Variants in PLVAP observed in about 807,000 individuals in gnomAD.
PLVAP encodes the protein plasmalemma vesicle associated protein, also known as plasmalemma vesicle-associated protein.
PLVAP carries 34 observed loss-of-function variants against 43.1 expected under a neutral mutation model. The observed-to-expected ratio is 0.79, with a 90% CI of 0.60 to 1.05. The LOEUF is 1.05. Among genes scored for constraint, PLVAP ranks in the 50% least tolerant of loss-of-function variants. The pLI, the probability that PLVAP is intolerant of heterozygous loss-of-function variation, is 0.00. For missense variants in PLVAP, 574 were observed against 593.4 expected (o/e 0.97, Z 0.34); for synonymous variants, 241 against 237.3 (o/e 1.02, Z -0.14).
chr19:17,356,235 G>T (rs753860283), intron 5 of PLVAP, among the ~76,000 whole-genome samples: 1 of 152,108 alleles, frequency 6.6e-6, no homozygotes, highest in Non-Finnish European at 1.5e-5. Flanking sequence ...GCTTGAACCC[G>T]GGAGACAGAG....
At position 17,365,679 on chromosome 19, in the gene PLVAP, G is replaced by T. The variant is rs111681752; in HGVS notation, c.786C>A (p.Gly262=). Residue 262 remains glycine, a synonymous_variant, in exon 3 of 6, where the codon GGC becomes GGA. Coordinates refer to ENST00000252590, the MANE Select transcript of PLVAP (RefSeq NM_031310.3). ...CTCTGCGGATGGAGGCCAATTCCGA[G>T]CCCAGGGGATGGTAGAGGTTGTAAC... ...NLGYNLYHPL[G]SELASIRRAC... is the part of the protein sequence containing the mutation. 5.6e-6 allele frequency: 9 copies of T among 1,613,696 alleles called. No individual in the cohort carries two copies. The highest frequency in any genetic ancestry group is 5.3e-5 in the African/African-American group (4 of 74,960).
At chr19:17,376,674 T>C (rs1274916976) in intron 1 of PLVAP, among the ~76,000 whole-genome samples, 1 of 152,030 alleles carries the variant, frequency 6.6e-6, no homozygotes, top group Non-Finnish European at 1.5e-5. Context: ...GGCACATGCC[T>C]GTAATCCCAG....
At chr19:17,360,903 C>CTTTTCT (rs2074525716) in intron 3 of PLVAP, 71 bp from the exon 4 acceptor site, 3 of 1,150,422 alleles carry the variant, frequency 2.6e-6, no homozygotes, top group Admixed American at 2.4e-5. Flanking sequence ...CTTTTCTTTT[C>CTTTTCT]TTTTCTTTTT....
At chr19:17,352,992 C>T (rs561635682) in intron 5 of PLVAP, among the ~76,000 whole-genome samples, 1 of 152,336 alleles carries the variant, frequency 6.6e-6, no homozygotes, top group South Asian at 2.1e-4. Context: ...ACCCTCCGGC[C>T]CCACCGCCTT....
intron 1 of PLVAP, among the ~76,000 whole-genome samples, chr19:17,373,218 G>A (rs1026405399): frequency 6.6e-6 from 1 of 151,836 alleles, no homozygotes; most frequent in Non-Finnish European, 1.5e-5. Context: ...GTTATGCCCT[G>A]GGGACTGAGG....
intron 1 of PLVAP, among the ~76,000 whole-genome samples, chr19:17,367,112 T>C (rs2074553547): frequency 6.6e-6 from 1 of 151,772 alleles, no homozygotes; most frequent in Non-Finnish European, 1.5e-5. Context: ...CTGGCCAATT[T>C]TTTGTATTTT....
At chr19:17,368,228 T>G (rs566602435) in intron 1 of PLVAP, among the ~76,000 whole-genome samples, 44 of 152,068 alleles carry the variant, frequency 2.9e-4, no homozygotes, top group African/African-American at 1.0e-3. Context: ...CGCACCACCA[T>G]GCTTGGCTAA....
chr19:17,363,245 C>T (rs1483036249), intron 3 of PLVAP, among the ~76,000 whole-genome samples: 1 of 152,100 alleles, frequency 6.6e-6, no homozygotes, highest in Admixed American at 6.6e-5. Flanking sequence ...CTCGCTGCAA[C>T]CTCTGCCTCC....
rs111789148 is a variant in PLVAP, at chr19:17,372,935, G to A, written c.369+3985C>T. 9.4e-3 allele frequency among the ~76,000 whole-genome samples: 1,416 copies of A among 150,542 alleles called. 21 individuals carry two copies. The highest frequency in any genetic ancestry group is 0.033 in the African/African-American group (1,350 of 41,270). On this transcript the variant is annotated intron_variant, in intron 1 of 5. Transcript: ENST00000252590. ...AAAAAAATTAGCAGGGCATGTTGGC[G>A]GGCACCTGTAGACCCAGCTACTCGG...
intron 5 of PLVAP, among the ~76,000 whole-genome samples, chr19:17,359,562 C>T (rs954009210): frequency 2.6e-5 from 4 of 151,584 alleles, no homozygotes; most frequent in African/African-American, 7.3e-5. Context: ...CATACCACCA[C>T]GCCCAGCTAC....
intron 5 of PLVAP, among the ~76,000 whole-genome samples, chr19:17,356,772 C>A (rs1273756278): frequency 6.6e-6 from 1 of 151,850 alleles, no homozygotes; most frequent in Non-Finnish European, 1.5e-5. Flanking sequence ...CCAGCCTGAC[C>A]AACATGGTGA....
At chr19:17,358,808 T>A (rs1471620293) in intron 5 of PLVAP, among the ~76,000 whole-genome samples, 1 of 96,294 alleles carries the variant, frequency 1.0e-5, no homozygotes, top group Non-Finnish European at 2.0e-5. Context: ...ACTATCTTTT[T>A]TTTTTTTCCA....
At chr19:17,352,432 G>A (rs138615384) in intron 5 of PLVAP, 64 bp from the exon 6 acceptor site, 35 of 1,559,300 alleles carry the variant, frequency 2.2e-5, no homozygotes, top group Middle Eastern at 3.4e-4. Flanking sequence ...AAACCTCGCC[G>A]GGCCCTGGAG....
At chr19:17,371,172 TTATTA>T (rs1568376824) in intron 1 of PLVAP, among the ~76,000 whole-genome samples, 7 of 151,904 alleles carry the variant, frequency 4.6e-5, no homozygotes, top group Non-Finnish European at 7.4e-5. Context: ...ATTATTATTA[TTATTA>T]TTGAGATGGA....
chr19:17,372,279 G>A (rs1345651239), intron 1 of PLVAP, among the ~76,000 whole-genome samples: 2 of 150,058 alleles, frequency 1.3e-5, no homozygotes, highest in Non-Finnish European at 3.0e-5. Flanking sequence ...TTTGGTGGCG[G>A]GTGCCTGTAA....
chr19:17,352,489 C>A, intron 5 of PLVAP, 121 bp from the exon 6 acceptor site: 1 of 1,091,814 alleles, frequency 9.2e-7, no homozygotes, highest in Non-Finnish European at 1.4e-6. Context: ...CCGGCCCTGC[C>A]TCCTACCACC....
At chr19:17,372,472 T>A (rs897050286) in intron 1 of PLVAP, among the ~76,000 whole-genome samples, 5 of 149,982 alleles carry the variant, frequency 3.3e-5, no homozygotes, top group Non-Finnish European at 7.4e-5. Context: ...TTATTTATTT[T>A]TTGAGACGGA....
In PLVAP at chr19:17,377,225, A is replaced by G. The variant is rs780657390; in HGVS notation, c.64T>C (p.Trp22Arg). Residue 22 changes from tryptophan (W) to arginine (R), a missense_variant, in exon 1 of 6, where the codon TGG becomes CGG. Coordinates refer to ENST00000252590, the MANE Select transcript of PLVAP (RefSeq NM_031310.3). The stretch of plus-strand genomic sequence containing the variant: ...AGGAAGAAGTAGCGCAGGTAATACC[A>G]GCAGCCCCGAGAGCTGCCCCCCGCC... ...ARAGGSSRGC[W>R]YYLRYFFLFV... 64 of 1,614,012 alleles carry G rather than the reference A, an allele frequency of 4.0e-5. No homozygotes were observed. The highest frequency in any genetic ancestry group is 5.2e-5 in the Non-Finnish European group (61 of 1,180,002).
At chr19:17,376,780 G>C (rs905426031) in intron 1 of PLVAP, 140 bp downstream of exon 1, 2 of 890,590 alleles carry the variant, frequency 2.2e-6, no homozygotes, top group East Asian at 2.7e-5. Flanking sequence ...CCTGGGAGAC[G>C]GAGCGAGACT....
Sources: gnomAD v4.1 joint callset for allele counts (sites outside exome capture counted in the v4.1 genomes callset) on GRCh38, gnomAD v4.1.1 for gene constraint, MANE v1.5 for transcripts, NCBI Gene and HGNC (gene_info 2026-07-23, HGNC 2026-07-21) for gene names.